Variants in TPST1 observed in about 807,000 individuals in gnomAD.
TPST1 encodes tyrosylprotein sulfotransferase 1.
Under a neutral mutation model 34.8 loss-of-function variants are expected in TPST1, and 20 were observed. The observed-to-expected ratio is 0.57, with a 90% CI of 0.40 to 0.84. The LOEUF is 0.84. Ranked by LOEUF, TPST1 falls within the 40% of genes least tolerant of loss-of-function variation. The pLI is 0.00. For missense variants in TPST1, 353 were observed against 455.5 expected (o/e 0.78, Z 2.05); for synonymous variants, 152 against 159.4 (o/e 0.95, Z 0.35).
chr7:66,327,347 A>AT (rs1791887784), intron 3 of TPST1, among the ~76,000 whole-genome samples: 1 of 152,216 alleles, frequency 6.6e-6, no homozygotes, highest in South Asian at 2.1e-4. Context: ...AAGGAGAGGG[A>AT]TAAATTATAT....
At chr7:66,298,020 T>C (rs77105306) in intron 3 of TPST1, among the ~76,000 whole-genome samples, 2,229 of 152,336 alleles carry the variant, frequency 0.015, 59 homozygotes, top group East Asian at 0.093. Context: ...CTTTTTGTTG[T>C]TGATTTCTAA....
chr7:66,353,624 G>A (rs1792524547), intron 4 of TPST1, among the ~76,000 whole-genome samples: 1 of 152,198 alleles, frequency 6.6e-6, no homozygotes. Flanking sequence ...GGGCATCACT[G>A]TCATGCCCAT....
chr7:66,233,922 C>T (rs1345230657), intron 1 of TPST1, among the ~76,000 whole-genome samples: 1 of 151,980 alleles, frequency 6.6e-6, no homozygotes, highest in African/African-American at 2.4e-5. Flanking sequence ...AGTGCAGTGG[C>T]GTGATCTTGG....
At chr7:66,227,158 G>A (rs1207385753) in intron 1 of TPST1, among the ~76,000 whole-genome samples, 2 of 146,002 alleles carry the variant, frequency 1.4e-5, no homozygotes, top group African/African-American at 2.5e-5. Context: ...TCAGCCTCCC[G>A]AGTAGCTGGG....
chr7:66,277,103 G>A (rs563776106), intron 2 of TPST1, among the ~76,000 whole-genome samples: 15 of 152,166 alleles, frequency 9.9e-5, no homozygotes, highest in African/African-American at 3.6e-4. Flanking sequence ...CTTTGTCTCT[G>A]TCACCATTGT....
At chr7:66,345,112 A>AAG (rs1792318311) in intron 3 of TPST1, among the ~76,000 whole-genome samples, 1 of 152,156 alleles carries the variant, frequency 6.6e-6, no homozygotes, top group African/African-American at 2.4e-5. Context: ...AAGGAATAGA[A>AAG]GAACCATTTG....
intron 1 of TPST1, among the ~76,000 whole-genome samples, chr7:66,234,213 A>G (rs2116363460): frequency 6.6e-6 from 1 of 152,282 alleles, no homozygotes; most frequent in East Asian, 1.9e-4. Context: ...GCTTTTGCAT[A>G]TCTACGTACT....
intron 3 of TPST1, among the ~76,000 whole-genome samples, 185 bp downstream of exon 3, chr7:66,286,894 T>C (rs1791053911): frequency 6.9e-6 from 1 of 145,760 alleles, no homozygotes; most frequent in African/African-American, 2.5e-5. Context: ...AGGGTACATG[T>C]GCACATTGTG....
At chr7:66,223,688 ATT>A (rs371142060) in intron 1 of TPST1, among the ~76,000 whole-genome samples, 5 of 152,234 alleles carry the variant, frequency 3.3e-5, no homozygotes, top group Non-Finnish European at 7.4e-5. Flanking sequence ...GGTAACTTCA[ATT>A]TTTTATTTTG....
chr7:66,358,189 A>C lies in TPST1; in HGVS notation c.*29+1318A>C, dbSNP rs575069551. On this transcript the variant is annotated intron_variant, in intron 5 of 5. Transcript: ENST00000304842. ...TGAAGCCAGGAGGCAGAGAGGTTGCAGTGAGCCGAGATTGCAGCACTGCAC... is the reference window on the plus strand; with the variant it reads ...TGAAGCCAGGAGGCAGAGAGGTTGCCGTGAGCCGAGATTGCAGCACTGCAC... 1.8e-3 allele frequency among the ~76,000 whole-genome samples: 275 copies of C among 152,272 alleles called. 2 individuals carry two copies. The highest frequency in any genetic ancestry group is 6.5e-3 in the African/African-American group (271 of 41,568).
intron 2 of TPST1, among the ~76,000 whole-genome samples, chr7:66,262,377 A>G (rs756674229): frequency 1.3e-4 from 20 of 152,168 alleles, no homozygotes; most frequent in Non-Finnish European, 2.9e-4. Flanking sequence ...GATGCCTTTT[A>G]TGCCTTGTGG....
chr7:66,241,236 A>T lies in TPST1; in HGVS notation c.811A>T (p.Met271Leu). 1.9e-6 allele frequency: 3 copies of T among 1,610,694 alleles called. No homozygotes were observed. Among genetic ancestry groups the T allele is most frequent in the African/African-American group, 1.3e-5 (1 of 74,962 alleles). Residue 271 changes from methionine (M) to leucine (L), a missense_variant, in exon 2 of 6, where the codon ATG becomes TTG. Physicochemically the swap from Met to Leu is conservative, Grantham distance 15. Coordinates refer to ENST00000304842, the MANE Select transcript of TPST1 (RefSeq NM_003596.4). ...WNHSVLHHEE[M>L]IGKAGGVSLS... ...CCACTCAGTATTGCACCATGAAGAG[A>T]TGATTGGGAAAGCTGGGGGAGTGTC...
At chr7:66,237,201 A>C (rs1046524248) in intron 1 of TPST1, among the ~76,000 whole-genome samples, 2 of 151,752 alleles carry the variant, frequency 1.3e-5, no homozygotes, top group African/African-American at 4.8e-5. Context: ...CCCACTCCAA[A>C]CTCAGTGAAC....
chr7:66,313,962 G>A (rs1278221731), intron 3 of TPST1, among the ~76,000 whole-genome samples: 1 of 152,004 alleles, frequency 6.6e-6, no homozygotes, highest in Admixed American at 6.6e-5. Flanking sequence ...GATGCTCTCT[G>A]TCTTCCATGA....
At chr7:66,335,054 T>A (rs1177566050) in intron 3 of TPST1, among the ~76,000 whole-genome samples, 1 of 152,194 alleles carries the variant, frequency 6.6e-6, no homozygotes, top group African/African-American at 2.4e-5. Flanking sequence ...GGATGGCCAG[T>A]GTCTTAGTGC....
At chr7:66,243,873 G>T (rs1299208310) in intron 2 of TPST1, among the ~76,000 whole-genome samples, 7 of 151,106 alleles carry the variant, frequency 4.6e-5, no homozygotes, top group East Asian at 1.9e-4. Flanking sequence ...TTATAATAAA[G>T]AATTTATTGC....
At position 66,332,350 on chromosome 7, in the gene TPST1, G is replaced by A. The variant is rs997066351; in HGVS notation, c.1045-20155G>A. On this transcript the variant is annotated intron_variant, in intron 3 of 5. Transcript: ENST00000304842. This position sits in a 1 kb window ranked among gnomAD's most constrained non-coding sequence, Gnocchi z 4.5. ...AGGCACAATCTCAGCTCACTGCAAC[G>A]TCCGTCTCCTGAGTTCAAGCGATTC... Among the ~76,000 whole-genome samples the A allele has an allele frequency of 7.3e-5, 11 of 151,266 alleles. No homozygotes were observed. The highest frequency in any genetic ancestry group is 2.4e-4 in the African/African-American group (10 of 41,138).
intron 3 of TPST1, among the ~76,000 whole-genome samples, chr7:66,345,053 G>C (rs1052339137): frequency 1.3e-5 from 2 of 151,702 alleles, no homozygotes; most frequent in South Asian, 4.2e-4. Context: ...AAAAATATGT[G>C]TATGTAAAAT....
chr7:66,330,354 G>A (rs1364887536), intron 3 of TPST1, among the ~76,000 whole-genome samples: 1 of 152,178 alleles, frequency 6.6e-6, no homozygotes, highest in Non-Finnish European at 1.5e-5. Context: ...TTGCCACACT[G>A]CTAGTGTTGA....
Sources: gnomAD v4.1 joint callset for allele counts (sites outside exome capture counted in the v4.1 genomes callset) on GRCh38, gnomAD v4.1.1 for gene constraint, Gnocchi (gnomAD v3.1) non-coding constraint, MANE v1.5 for transcripts, NCBI Gene and HGNC (gene_info 2026-07-23, HGNC 2026-07-21) for gene names.